The following TMC1 variants were observed in gnomAD, a reference collection of about 807,000 sequenced individuals.
The protein encoded by TMC1 is transmembrane channel like 1, also known as transmembrane channel-like protein 1.
In TMC1, 84 loss-of-function variants were observed where a neutral mutation model predicts 105.8. The ratio of observed to expected loss-of-function variants is 0.79; its 90% confidence interval spans 0.67 to 0.95. The LOEUF (loss-of-function observed/expected upper bound fraction) is 0.95, where lower values mean the gene tolerates loss of function less well. Ranked by LOEUF, TMC1 falls within the 40% of genes least tolerant of loss-of-function variation. The probability of loss-of-function intolerance (pLI) is 0.00; values close to 1 mark genes in which losing one functional copy is unlikely to be tolerated. For missense variants in TMC1, 817 were observed against 914.1 expected (o/e 0.89, Z 1.37); for synonymous variants, 315 against 311.5 (o/e 1.01, Z -0.12).
intron 1 of TMC1, among the ~76,000 whole-genome samples, chr9:72,529,091 C>T (rs1823453215): frequency 1.4e-5 from 2 of 143,416 alleles, no homozygotes; most frequent in African/African-American, 2.6e-5. Flanking sequence ...TACAGAAATA[C>T]TACACCATTT....
intron 3 of TMC1, among the ~76,000 whole-genome samples, chr9:72,619,094 A>G (rs1825195031): frequency 6.6e-6 from 1 of 152,200 alleles, no homozygotes; most frequent in African/African-American, 2.4e-5. Flanking sequence ...TTCCTGGAAC[A>G]TTTGTCATAC....
At chr9:72,665,593 A>G (rs2132164317) in intron 5 of TMC1, among the ~76,000 whole-genome samples, 1 of 152,338 alleles carries the variant, frequency 6.6e-6, no homozygotes. Context: ...AGCCCTGGCA[A>G]GCTGAAATAA....
chr9:72,690,643 AT>A (rs764782394), intron 6 of TMC1, among the ~76,000 whole-genome samples: 8 of 152,174 alleles, frequency 5.3e-5, no homozygotes, highest in African/African-American at 7.2e-5. Context: ...CTTTTAAAAT[AT>A]CATCCTACTT....
intron 1 of TMC1, among the ~76,000 whole-genome samples, chr9:72,549,654 G>A (rs1463336011): frequency 7.6e-5 from 11 of 144,342 alleles, no homozygotes; most frequent in Non-Finnish European, 1.0e-4. Flanking sequence ...TCTGTTGCCC[G>A]AGCTGGATTG....
At position 72,791,963 on chromosome 9, in the gene TMC1, T is replaced by C. The variant is rs781418962; in HGVS notation, c.1302T>C (p.His434=). 75 of 1,613,902 alleles carry C rather than the reference T, an allele frequency of 4.6e-5. No individual in the cohort carries two copies. In the Admixed American group the frequency reaches 1.2e-3, roughly 27 times the overall value. Residue 434 remains histidine, a synonymous_variant, in exon 16 of 24, where the codon CAT becomes CAC. Coordinates refer to ENST00000297784, the MANE Select transcript of TMC1 (RefSeq NM_138691.3). ...FDLFAELEDY[H]PLIALKWLLG... is the part of the protein sequence containing the mutation. ...TATTTGCTGAATTAGAAGACTACCA[T>C]CCTCTCATCGCTTTGAAATGGCTAC... is the stretch of plus-strand genomic sequence containing the variant.
chr9:72,556,590 G>T (rs368298392), intron 1 of TMC1, among the ~76,000 whole-genome samples: 4 of 151,398 alleles, frequency 2.6e-5, no homozygotes, highest in Non-Finnish European at 4.4e-5. Context: ...AGGCCGAGAC[G>T]GGTGGATCAC....
chr9:72,599,132 G>A (rs980972073), intron 2 of TMC1, among the ~76,000 whole-genome samples: 2 of 152,166 alleles, frequency 1.3e-5, no homozygotes, highest in Non-Finnish European at 2.9e-5. Context: ...CTGGGTTCAA[G>A]CGATTCTCAT....
chr9:72,656,584 C>T (rs1023422303), intron 5 of TMC1, among the ~76,000 whole-genome samples: 1 of 152,108 alleles, frequency 6.6e-6, no homozygotes, highest in Non-Finnish European at 1.5e-5. Flanking sequence ...TATGAAATTA[C>T]TATATCTGTT....
intron 15 of TMC1, among the ~76,000 whole-genome samples, chr9:72,790,285 G>T (rs994434471): frequency 1.3e-5 from 2 of 152,080 alleles, no homozygotes; most frequent in Non-Finnish European, 2.9e-5. Flanking sequence ...GACAGCAAAT[G>T]ATATAATCTA....
chr9:72,557,298 G>C (rs908106067), intron 1 of TMC1, among the ~76,000 whole-genome samples: 2 of 152,072 alleles, frequency 1.3e-5, no homozygotes, highest in Non-Finnish European at 2.9e-5. Flanking sequence ...TTGAACCCGG[G>C]GGGCAAAGAT....
intron 23 of TMC1, 119 bp downstream of exon 23, chr9:72,830,801 T>A (rs959261884): frequency 4.6e-6 from 4 of 872,022 alleles, no homozygotes; most frequent in Non-Finnish European, 5.4e-6. Context: ...TGTGAGCGAG[T>A]CATTCCACAA....
chr9:72,650,000 A>G (rs1039620653), intron 5 of TMC1, among the ~76,000 whole-genome samples: 2 of 152,232 alleles, frequency 1.3e-5, no homozygotes, highest in Admixed American at 6.5e-5. Context: ...TTTATCATTT[A>G]TTAACCTTAT....
At chr9:72,541,493 G>C (rs1823676703) in intron 1 of TMC1, among the ~76,000 whole-genome samples, 1 of 152,054 alleles carries the variant, frequency 6.6e-6, no homozygotes, top group Admixed American at 6.6e-5. Context: ...TTCGAGACCA[G>C]CCTGACAAAT....
intron 5 of TMC1, among the ~76,000 whole-genome samples, chr9:72,650,280 G>A (rs1302684434): frequency 6.6e-6 from 1 of 152,112 alleles, no homozygotes; most frequent in Non-Finnish European, 1.5e-5. Context: ...CAGTACTTGG[G>A]CTTCATAAGA....
intron 1 of TMC1, among the ~76,000 whole-genome samples, chr9:72,546,136 T>C (rs1268321862): frequency 4.2e-5 from 6 of 141,998 alleles, no homozygotes; most frequent in African/African-American, 7.8e-5. Flanking sequence ...AAAAAAAAAA[T>C]GAAAAAATTA....
At chr9:72,772,032 T>G (rs1453341735) in intron 12 of TMC1, among the ~76,000 whole-genome samples, 2 of 152,298 alleles carry the variant, frequency 1.3e-5, no homozygotes, top group Middle Eastern at 3.4e-3. Context: ...GCCACAGCAC[T>G]TTGAGGAAGC....
At chr9:72,776,094 G>A (rs1828001745) in intron 13 of TMC1, among the ~76,000 whole-genome samples, 1 of 152,138 alleles carries the variant, frequency 6.6e-6, no homozygotes, top group African/African-American at 2.4e-5. Context: ...GGCTCCCTGG[G>A]ATTAGATATA....
chr9:72,823,962 A>G (rs1395039657), intron 20 of TMC1, among the ~76,000 whole-genome samples: 1 of 152,220 alleles, frequency 6.6e-6, no homozygotes, highest in African/African-American at 2.4e-5. Context: ...TTTGCCTTTC[A>G]TGCATGATTT....
At chr9:72,765,388 T>C (rs989531229) in intron 12 of TMC1, among the ~76,000 whole-genome samples, 5 of 152,004 alleles carry the variant, frequency 3.3e-5, no homozygotes, top group African/African-American at 1.2e-4. Flanking sequence ...ATTACCCCTA[T>C]CACAACTGGC....
Sources: gnomAD v4.1 joint callset for allele counts (sites outside exome capture counted in the v4.1 genomes callset) on GRCh38, gnomAD v4.1.1 for gene constraint, MANE v1.5 for transcripts, NCBI Gene and HGNC (gene_info 2026-07-23, HGNC 2026-07-21) for gene names.